Variants in MPP4 observed in about 807,000 individuals in gnomAD.
MPP4 encodes MAGUK p55 scaffold protein 4.
MPP4 carries 91 observed loss-of-function variants against 98.3 expected under a neutral mutation model. The ratio of observed to expected loss-of-function variants is 0.93; its 90% confidence interval spans 0.78 to 1.10. The LOEUF (loss-of-function observed/expected upper bound fraction) is 1.10, where lower values mean the gene tolerates loss of function less well. Ranked by LOEUF, MPP4 falls within the 50% of genes least tolerant of loss-of-function variation. The pLI is 0.00. For missense variants in MPP4, 744 were observed against 792.9 expected, an observed-to-expected ratio of 0.94 and a Z score of 0.74; for synonymous variants, 261 against 271.8, an observed-to-expected ratio of 0.96 and a Z score of 0.39.
At chr2:201,663,356 G>T (rs1030932447) in intron 14 of MPP4, among the ~76,000 whole-genome samples, 10 of 152,196 alleles carry the variant, frequency 6.6e-5, no homozygotes, top group Non-Finnish European at 1.2e-4. Flanking sequence ...TGCTACATCA[G>T]GGACAGTACT....
chr2:201,666,434 T>A lies in MPP4; in HGVS notation c.1013-62A>T, dbSNP rs796179051. ...AAATGTGTCTGCATTAAAAAGAAAA[T>A]TCCCGGCCAGGCATGGTGGCTCATG... is the stretch of plus-strand genomic sequence containing the variant. On this transcript the variant is annotated intron_variant, in intron 12 of 21. Transcript: ENST00000409474. 7 of 1,358,942 alleles carry A rather than the reference T, an allele frequency of 5.2e-6. No individual in the cohort carries two copies. The African/African-American group carries it at 1.1e-4, about 20-fold the overall frequency. The allele number at this position is 1,358,942 out of a possible 1,614,324, so 84.2% of individuals were successfully genotyped here.
chr2:201,664,228 C>A lies in MPP4; in HGVS notation c.1052-127G>T, dbSNP rs1195782607. The A allele has an allele frequency of 2.0e-6, 3 of 1,490,692 alleles. No homozygotes were observed. In the East Asian group the frequency reaches 7.9e-5, roughly 39 times the overall value. The allele number at this position is 1,490,692 out of a possible 1,614,324, so 92.3% of individuals were successfully genotyped here. Reference sequence around the variant, plus strand: ...TACACCACCTTTGTAAAGTTTTTTTCCTAAATCAAGGTCGAATCGATGGTG... The same window carrying A: ...TACACCACCTTTGTAAAGTTTTTTTACTAAATCAAGGTCGAATCGATGGTG... On this transcript the variant is annotated intron_variant, in intron 13 of 21. Transcript: ENST00000409474.
At chr2:201,698,145 A>AG in intron 1 of MPP4, 1 of 547,116 alleles carries the variant, frequency 1.8e-6, no homozygotes, top group Non-Finnish European at 2.0e-6. Context: ...ATCTTGTTTT[A>AG]AAAGTATTTC....
chr2:201,676,049 T>C (rs190450956), intron 10 of MPP4, among the ~76,000 whole-genome samples: 5 of 152,320 alleles, frequency 3.3e-5, no homozygotes, highest in East Asian at 1.9e-4. Flanking sequence ...GTAAGTCATA[T>C]GTATGTTAAA....
intron 16 of MPP4, among the ~76,000 whole-genome samples, chr2:201,657,762 C>A (rs528427468): frequency 6.6e-6 from 1 of 152,032 alleles, no homozygotes; most frequent in South Asian, 2.1e-4. Flanking sequence ...CAAGTGATGG[C>A]AGCTGCCCTC....
chr2:201,691,037 A>G (rs1482371698), intron 3 of MPP4, among the ~76,000 whole-genome samples: 1 of 152,186 alleles, frequency 6.6e-6, no homozygotes, highest in Non-Finnish European at 1.5e-5. Flanking sequence ...CAGATTAGTG[A>G]TGATGCTGCT....
At position 201,664,113 on chromosome 2, in the gene MPP4, C is replaced by T. The variant is rs367664613; in HGVS notation, c.1052-12G>A. 1.4e-6 allele frequency: 2 copies of T among 1,465,478 alleles called. No homozygotes were observed. The highest frequency in any genetic ancestry group is 2.7e-5 in the African/African-American group (2 of 72,912). 90.8% of individuals were successfully genotyped at this position (1,465,478 alleles called of 1,614,324 possible). ...AAATGTTTCTTCATCTATGATTTTTCATGGAGGCAAAAATCAAAAATGTTA... is the reference window on the plus strand; with the variant it reads ...AAATGTTTCTTCATCTATGATTTTTTATGGAGGCAAAAATCAAAAATGTTA... On this transcript the variant is annotated splice_polypyrimidine_tract_variant and intron_variant, in intron 13 of 21. Coordinates refer to ENST00000409474, the MANE Select transcript of MPP4 (RefSeq NM_033066.3).
In MPP4 at chr2:201,694,026, A is replaced by G; in HGVS notation, c.-72T>C. The stretch of plus-strand genomic sequence containing the variant: ...TCAATACACGGCACACAGCTCACTC[A>G]GTCCCACTGGCCACCAGCTCTCAGC... On this transcript the variant is annotated 5_prime_UTR_variant, in exon 2 of 22. Transcript: ENST00000409474. The G allele has an allele frequency of 6.2e-7, 1 of 1,613,040 alleles. No individual in the cohort carries two copies. The highest frequency in any genetic ancestry group is 2.2e-5 in the East Asian group (1 of 44,870).
intron 3 of MPP4, among the ~76,000 whole-genome samples, chr2:201,691,644 AG>A (rs1444364658): frequency 6.6e-6 from 1 of 152,132 alleles, no homozygotes; most frequent in Admixed American, 6.5e-5. Context: ...CAGCCTCCAG[AG>A]TAGCTGAGAT....
At chr2:201,658,322 A>G (rs1002334057) in intron 16 of MPP4, among the ~76,000 whole-genome samples, 155 bp downstream of exon 16, 6 of 152,236 alleles carry the variant, frequency 3.9e-5, no homozygotes, top group Non-Finnish European at 8.8e-5. Context: ...GGATCAGAAT[A>G]TTGACAAGAA....
intron 13 of MPP4, chr2:201,665,239 T>A (rs1215761486): frequency 6.6e-6 from 1 of 152,040 alleles, no homozygotes; most frequent in Non-Finnish European, 1.5e-5. Context: ...CTAATTTTTT[T>A]TTCTATTTTT....
intron 2 of MPP4, among the ~76,000 whole-genome samples, chr2:201,693,374 G>A (rs1200974922): frequency 6.6e-6 from 1 of 152,092 alleles, no homozygotes; most frequent in Non-Finnish European, 1.5e-5. Context: ...CCAGCCTGTC[G>A]TTTATCCCAA....
chr2:201,679,179 C>T (rs1173803497), intron 10 of MPP4, among the ~76,000 whole-genome samples: 2 of 152,100 alleles, frequency 1.3e-5, no homozygotes, highest in African/African-American at 2.4e-5. Flanking sequence ...GCTTCATTTC[C>T]TCATCTCCCT....
chr2:201,651,311 G>A (rs1270260844), intron 18 of MPP4: 1 of 985,326 alleles, frequency 1.0e-6, no homozygotes, highest in Non-Finnish European at 1.2e-6. Context: ...CCTTATTCAA[G>A]CCTCTCATCA....
chr2:201,647,628 A>G (rs1687599969), intron 21 of MPP4, 63 bp downstream of exon 21: 1 of 1,573,934 alleles, frequency 6.4e-7, no homozygotes, highest in Non-Finnish European at 8.7e-7. Context: ...GCCCAGCCCA[A>G]CCCAGATCTC....
At chr2:201,683,057 G>T in intron 7 of MPP4, 141 bp from the exon 8 acceptor site, 88 of 395,252 alleles carry the variant, frequency 2.2e-4, no homozygotes, top group Middle Eastern at 7.1e-4. Flanking sequence ...AGAAAAGAAA[G>T]CTGGTTATTC....
chr2:201,661,954 G>T, intron 14 of MPP4: 1 of 307,484 alleles, frequency 3.3e-6, no homozygotes, highest in Non-Finnish European at 6.4e-6. Context: ...AGCCAAATGG[G>T]CAAGTATAAA....
In MPP4 at chr2:201,656,178, C is replaced by T. The variant is rs1172657968; in HGVS notation, c.1300+20G>A. On this transcript the variant is annotated intron_variant, in intron 17 of 21. Coordinates refer to ENST00000409474, the MANE Select transcript of MPP4 (RefSeq NM_033066.3). ...AAGACTTCTCAAGGAGGAGGAGAGA[C>T]AGTGCATGCTGGGACATACCCATGA... is the stretch of plus-strand genomic sequence containing the variant. 6.3e-7 allele frequency: 1 copy of T among 1,579,838 alleles called. No individual in the cohort carries two copies. The highest frequency in any genetic ancestry group is 1.2e-5 in the South Asian group (1 of 85,198).
intron 16 of MPP4, 131 bp from the exon 17 acceptor site, chr2:201,656,499 G>A: frequency 1.1e-5 from 10 of 871,210 alleles, no homozygotes; most frequent in Non-Finnish European, 1.5e-5. Context: ...TCTGAAGTTA[G>A]AAGATGGGAA....
Sources: gnomAD v4.1 joint callset for allele counts (sites outside exome capture counted in the v4.1 genomes callset) on GRCh38, gnomAD v4.1.1 for gene constraint, MANE v1.5 for transcripts, NCBI Gene and HGNC (gene_info 2026-07-23, HGNC 2026-07-21) for gene names.